Variants in RIMS2 observed in about 807,000 individuals in gnomAD.
RIMS2 encodes the protein regulating synaptic membrane exocytosis protein 2.
In RIMS2, 59 loss-of-function variants were observed where a neutral mutation model predicts 174.4. The ratio of observed to expected loss-of-function variants is 0.34; its 90% confidence interval spans 0.27 to 0.42. The LOEUF is 0.42. RIMS2 is among the 10% of genes least tolerant of loss of function. The pLI, the probability that RIMS2 is intolerant of heterozygous loss-of-function variation, is 1.00. For missense variants in RIMS2, 1,620 were observed against 1,666.3 expected, an observed-to-expected ratio of 0.97 and a Z score of 0.48; for synonymous variants, 606 against 572.5, an observed-to-expected ratio of 1.06 and a Z score of -0.84.
At chr8:103,558,718 T>C (rs888696481) in intron 1 of RIMS2, among the ~76,000 whole-genome samples, 2 of 152,224 alleles carry the variant, frequency 1.3e-5, no homozygotes, top group African/African-American at 4.8e-5. Flanking sequence ...ACACCACAAG[T>C]AAAGTCAGAA....
chr8:103,699,177 T>C (rs13439091), intron 2 of RIMS2, among the ~76,000 whole-genome samples: 7,721 of 152,298 alleles, frequency 0.051, 274 homozygotes, highest in Non-Finnish European at 0.075. Context: ...GGAATCTGCA[T>C]TGATGCTACC....
chr8:104,223,850 T>C, intron 19 of RIMS2: 2 of 1,449,452 alleles, frequency 1.4e-6, no homozygotes, highest in Non-Finnish European at 1.9e-6. Flanking sequence ...AGTCGGTGGC[T>C]GGAGGGTTGG....
chr8:103,746,854 G>C (rs2097824683), intron 2 of RIMS2, among the ~76,000 whole-genome samples: 1 of 151,798 alleles, frequency 6.6e-6, no homozygotes, highest in Non-Finnish European at 1.5e-5. Flanking sequence ...CTAATTTTTT[G>C]TATTTTTAGT....
Position 104,013,451 on chromosome 8 carries a change from A to ATG in RIMS2, c.3054_3055insTG (p.Ala1019TrpfsTer38). ...TTGACTAACGTTTCAGGGATTGTGA[A>ATG]GCAGCAGATAGACAGCCATATCACA... On this transcript the variant is annotated frameshift_variant, in exon 18 of 24. Coordinates refer to ENST00000504942, the Ensembl canonical transcript of RIMS2. LOFTEE classifies it high-confidence loss of function. 6.2e-7 allele frequency: 1 copy of ATG among 1,613,588 alleles called. No homozygotes were observed. Among genetic ancestry groups the ATG allele is most frequent in the Non-Finnish European group, 8.5e-7 (1 of 1,179,694 alleles).
At chr8:103,630,218 TAGA>T (rs1198294461) in intron 1 of RIMS2, among the ~76,000 whole-genome samples, 1 of 151,840 alleles carries the variant, frequency 6.6e-6, no homozygotes, top group African/African-American at 2.4e-5. Flanking sequence ...ATAGTTTGAC[TAGA>T]AGAACAATAG....
chr8:103,728,748 C>CTTTTTTTTTTTTT (rs71575982), intron 2 of RIMS2, among the ~76,000 whole-genome samples: 64 of 92,588 alleles, frequency 6.9e-4, no homozygotes, highest in East Asian at 2.7e-3. Context: ...TATGCTCCTT[C>CTTTTTTTTTTTTT]TTTTTTTTTT....
intron 1 of RIMS2, among the ~76,000 whole-genome samples, chr8:103,681,431 G>A (rs2096879207): frequency 6.6e-6 from 1 of 151,968 alleles, no homozygotes; most frequent in African/African-American, 2.4e-5. Context: ...AAATCAAATT[G>A]GGGAAGGGAA....
At chr8:104,068,040 G>A (rs1437233241) in intron 19 of RIMS2, among the ~76,000 whole-genome samples, 1 of 151,998 alleles carries the variant, frequency 6.6e-6, no homozygotes, top group Non-Finnish European at 1.5e-5. Context: ...CATATACTGG[G>A]GCAAACTGCT....
At chr8:104,225,558 A>G (rs1322852279) in intron 19 of RIMS2, among the ~76,000 whole-genome samples, 1 of 152,148 alleles carries the variant, frequency 6.6e-6, no homozygotes, top group Non-Finnish European at 1.5e-5. Flanking sequence ...TATGATTAGG[A>G]TTGTTGAGTT....
intron 1 of RIMS2, among the ~76,000 whole-genome samples, chr8:103,668,026 T>C (rs2096695898): frequency 6.6e-6 from 1 of 152,192 alleles, no homozygotes; most frequent in South Asian, 2.1e-4. Flanking sequence ...AAACTTTCTT[T>C]AACCTGGTGA....
intron 3 of RIMS2, chr8:103,768,358 T>A: frequency 1.4e-6 from 1 of 720,034 alleles, no homozygotes; most frequent in East Asian, 2.6e-5. Context: ...AACTCTGCAC[T>A]TTTTATGAGA....
intron 3 of RIMS2, among the ~76,000 whole-genome samples, chr8:103,878,382 G>A (rs1162386588): frequency 6.6e-6 from 1 of 151,782 alleles, no homozygotes; most frequent in East Asian, 1.9e-4. Flanking sequence ...GTATTGACTT[G>A]TGTATGTTGA....
chr8:104,043,934 C>A (rs1333815515), intron 19 of RIMS2, among the ~76,000 whole-genome samples: 1 of 151,498 alleles, frequency 6.6e-6, no homozygotes, highest in Non-Finnish European at 1.5e-5. Flanking sequence ...ATGCTATGAA[C>A]ATAAAAGGCA....
intron 19 of RIMS2, among the ~76,000 whole-genome samples, chr8:104,219,146 A>G (rs561103232): frequency 6.6e-6 from 1 of 152,354 alleles, no homozygotes; most frequent in African/African-American, 2.4e-5. Context: ...TGGCTATTTA[A>G]TATTAATGTT....
rs190490223 is a variant in RIMS2 at position 103,933,069 on chromosome 8, G to A, written c.2375+1676G>A. Among the ~76,000 whole-genome samples, 340 of 152,200 alleles carry A rather than the reference G, an allele frequency of 2.2e-3. 4 individuals carry two copies. Among genetic ancestry groups the A allele is most frequent in the Non-Finnish European group, 3.9e-3 (267 of 68,004 alleles). On this transcript the variant is annotated intron_variant, in intron 12 of 23. Coordinates refer to ENST00000504942, the Ensembl canonical transcript of RIMS2. ...GCACTTTGGGAGGCCGAGGTGGGCAGATCACGAGGTCAGGAGATCGAGCCC... is the reference window on the plus strand; with the variant it reads ...GCACTTTGGGAGGCCGAGGTGGGCAAATCACGAGGTCAGGAGATCGAGCCC...
chr8:103,608,693 G>T (rs1385868042), intron 1 of RIMS2, among the ~76,000 whole-genome samples: 1 of 152,040 alleles, frequency 6.6e-6, no homozygotes, highest in Non-Finnish European at 1.5e-5. Context: ...TAATCTCATG[G>T]TGCGCCGTTT....
At chr8:103,859,351 C>T (rs1421876462) in intron 3 of RIMS2, among the ~76,000 whole-genome samples, 1 of 152,072 alleles carries the variant, frequency 6.6e-6, no homozygotes. Flanking sequence ...CTTTCTTCTC[C>T]CTTTTCCACC....
At chr8:103,721,412 T>C (rs995301419) in intron 2 of RIMS2, among the ~76,000 whole-genome samples, 1 of 152,210 alleles carries the variant, frequency 6.6e-6, no homozygotes, top group African/African-American at 2.4e-5. Flanking sequence ...ATTCTGTGAA[T>C]TAAAATATCC....
chr8:104,156,891 C>T (rs1195464643), intron 19 of RIMS2, among the ~76,000 whole-genome samples: 1 of 151,942 alleles, frequency 6.6e-6, no homozygotes, highest in Non-Finnish European at 1.5e-5. Context: ...AATACACAAG[C>T]GTACATTAAA....
Sources: allele counts gnomAD v4.1 joint callset (sites outside exome capture counted in the v4.1 genomes callset), GRCh38; gene constraint gnomAD v4.1.1; transcripts MANE v1.5; gene names NCBI Gene and HGNC (gene_info 2026-07-23, HGNC 2026-07-21).